ZSWIM5: variants seen among roughly 807,000 people sequenced by gnomAD.
ZSWIM5 encodes the protein zinc finger SWIM domain-containing protein 5.
Under a neutral mutation model 119.6 loss-of-function variants are expected in ZSWIM5, and 55 were observed. The ratio of observed to expected loss-of-function variants is 0.46; its 90% CI spans 0.37 to 0.58. The LOEUF (loss-of-function observed/expected upper bound fraction) is 0.58, where lower values mean the gene tolerates loss of function less well. ZSWIM5 is among the 20% of genes least tolerant of loss of function. The probability of loss-of-function intolerance (pLI) is 0.00; values close to 1 mark genes in which losing one functional copy is unlikely to be tolerated. For missense variants in ZSWIM5, 1,193 were observed against 1,512.8 expected (o/e 0.79, Z 3.51); for synonymous variants, 537 against 606.9 (o/e 0.88, Z 1.69).
At chr1:45,102,878 G>T (rs939856553) in intron 1 of ZSWIM5, among the ~76,000 whole-genome samples, 1 of 151,966 alleles carries the variant, frequency 6.6e-6, no homozygotes, top group Non-Finnish European at 1.5e-5. Context: ...TTTATTTGGT[G>T]GGGGTACAGG....
chr1:45,057,074 C>A lies in ZSWIM5; in HGVS notation c.1252+1535G>T, dbSNP rs1300122919. On this transcript the variant is annotated intron_variant, in intron 4 of 13. Transcript: ENST00000359600. The surrounding 1 kb of genome is among the most constrained non-coding windows in gnomAD (Gnocchi z 4.7). ...AGGGGAAGCATGAATGCACTGTGTT[C>A]TAGTGTCTAACCTAATAAGCCTTCT... Among the ~76,000 whole-genome samples, 1 of 152,170 alleles carries A rather than the reference C, an allele frequency of 6.6e-6. No individual in the cohort carries two copies. Among genetic ancestry groups the A allele is most frequent in the African/African-American group, 2.4e-5 (1 of 41,436 alleles).
At chr1:45,120,327 AAAC>A (rs912061811) in intron 1 of ZSWIM5, among the ~76,000 whole-genome samples, 135 of 152,288 alleles carry the variant, frequency 8.9e-4, no homozygotes, top group African/African-American at 3.1e-3. Context: ...CAGGGCGAAA[AAAC>A]AACAACAACA....
chr1:45,073,367 T>G (rs940657716), intron 2 of ZSWIM5, among the ~76,000 whole-genome samples: 3 of 148,592 alleles, frequency 2.0e-5, no homozygotes, highest in Non-Finnish European at 4.4e-5. Context: ...CAAGCGATTC[T>G]CCTGCCTCAG....
At chr1:45,172,959 T>C (rs1179888404) in intron 1 of ZSWIM5, among the ~76,000 whole-genome samples, 5 of 151,958 alleles carry the variant, frequency 3.3e-5, no homozygotes, top group African/African-American at 1.2e-4. Flanking sequence ...AGACCAGGAA[T>C]TCGAGACCAG....
chr1:45,055,765 T>A (rs796513446), intron 4 of ZSWIM5, among the ~76,000 whole-genome samples: 5 of 152,340 alleles, frequency 3.3e-5, no homozygotes, highest in African/African-American at 1.2e-4. Flanking sequence ...CAAAGGAGAC[T>A]GAGTGAAAGT....
intron 1 of ZSWIM5, among the ~76,000 whole-genome samples, chr1:45,173,858 T>C (rs867345351): frequency 2.6e-5 from 4 of 152,182 alleles, no homozygotes; most frequent in Middle Eastern, 3.2e-3. Flanking sequence ...TAAATTTATA[T>C]AACCAATAAA....
chr1:45,149,120 T>C (rs79938183), intron 1 of ZSWIM5, among the ~76,000 whole-genome samples: 3 of 151,860 alleles, frequency 2.0e-5, no homozygotes, highest in African/African-American at 7.3e-5. Context: ...TTTTTTTTTT[T>C]AATTAGCAGG....
At chr1:45,118,536 T>C (rs1645572275) in intron 1 of ZSWIM5, among the ~76,000 whole-genome samples, 1 of 151,330 alleles carries the variant, frequency 6.6e-6, no homozygotes, top group Non-Finnish European at 1.5e-5. Context: ...AGTCCAGGAG[T>C]TTGAGATCAG....
chr1:45,053,762 CAAAAAAAAAAA>C (rs10675427), intron 4 of ZSWIM5, among the ~76,000 whole-genome samples: 17 of 92,068 alleles, frequency 1.8e-4, no homozygotes, highest in Non-Finnish European at 4.0e-5. Flanking sequence ...GACTCTGTTT[CAAAAAAAAAAA>C]AAAAAAAAAA....
chr1:45,021,578 A>G (rs1409773629), intron 11 of ZSWIM5, among the ~76,000 whole-genome samples: 2 of 152,238 alleles, frequency 1.3e-5, no homozygotes, highest in South Asian at 2.1e-4. Context: ...CTTATAAAGG[A>G]CAAATACATT....
chr1:45,018,364 T>C lies in ZSWIM5; in HGVS notation c.*90A>G, dbSNP rs913749020. 6.6e-7 allele frequency: 1 copy of C among 1,515,518 alleles called. No homozygotes were observed. Among genetic ancestry groups the C allele is most frequent in the African/African-American group, 1.4e-5 (1 of 72,522 alleles). The allele number at this position is 1,515,518 out of a possible 1,614,324, so 93.9% of individuals were successfully genotyped here. Reference sequence around the variant, plus strand: ...CCTCATCCACAGGTGCTCAGAGTTCTCTCAGGGTGGACAAATGTTTCAGTG... The same window carrying C: ...CCTCATCCACAGGTGCTCAGAGTTCCCTCAGGGTGGACAAATGTTTCAGTG... On this transcript the variant is annotated 3_prime_UTR_variant, in exon 14 of 14. Transcript: ENST00000359600. The surrounding 1 kb of genome is among the most constrained non-coding windows in gnomAD (Gnocchi z 6.7).
intron 4 of ZSWIM5, among the ~76,000 whole-genome samples, chr1:45,055,699 T>C (rs1445478727): frequency 6.6e-6 from 1 of 152,094 alleles, no homozygotes; most frequent in Non-Finnish European, 1.5e-5. Context: ...AACAGGAAAG[T>C]GGATGCTGGG....
chr1:45,066,571 G>C (rs150952212), intron 2 of ZSWIM5, among the ~76,000 whole-genome samples: 1 of 152,114 alleles, frequency 6.6e-6, no homozygotes, highest in African/African-American at 2.4e-5. Context: ...GTCATAAATT[G>C]GTAATTAAAT....
intron 2 of ZSWIM5, among the ~76,000 whole-genome samples, chr1:45,075,755 T>C (rs1190473638): frequency 6.6e-6 from 1 of 152,168 alleles, no homozygotes; most frequent in Non-Finnish European, 1.5e-5. Context: ...TTTTGTTATT[T>C]GTTTTCTGGT....
rs1216180904 is a variant in ZSWIM5 at position 45,206,452 on chromosome 1, G to A, written c.-102C>T. ...CCCCGCGCAAGCGCCCAGCGGTGGC[G>A]CCGAGGGGGGCGGGGCGAGAGAACC... On this transcript the variant is annotated 5_prime_UTR_variant, in exon 1 of 14. Transcript: ENST00000359600. The A allele has an allele frequency of 3.3e-6, 4 of 1,219,004 alleles. No individual in the cohort carries two copies. The African/African-American group carries it at 4.7e-5, about 14-fold the overall frequency. 75.5% of individuals were successfully genotyped at this position (1,219,004 alleles called of 1,614,324 possible). A position where few individuals can be genotyped will look rare whatever the true frequency, so the allele number is the denominator to read the frequency against.
intron 1 of ZSWIM5, among the ~76,000 whole-genome samples, chr1:45,126,747 GA>G (rs147893050): frequency 0.075 from 11,015 of 147,184 alleles, 491 homozygotes; most frequent in Non-Finnish European, 0.11. Flanking sequence ...CCACAAAAAG[GA>G]AAAAAAAAAT....
At chr1:45,200,851 G>T (rs1311730174) in intron 1 of ZSWIM5, among the ~76,000 whole-genome samples, 1 of 152,152 alleles carries the variant, frequency 6.6e-6, no homozygotes, top group Non-Finnish European at 1.5e-5. Flanking sequence ...TATGCAACAA[G>T]AAACAAGTAT....
At chr1:45,115,443 T>A (rs903569726) in intron 1 of ZSWIM5, among the ~76,000 whole-genome samples, 1 of 144,416 alleles carries the variant, frequency 6.9e-6, no homozygotes, top group Non-Finnish European at 1.5e-5. Flanking sequence ...GCAGAGACGC[T>A]CCTCACCTTC....
At chr1:45,158,524 T>C (rs1363106572) in intron 1 of ZSWIM5, among the ~76,000 whole-genome samples, 2 of 152,218 alleles carry the variant, frequency 1.3e-5, no homozygotes, top group East Asian at 3.8e-4. Flanking sequence ...TAAAATCAAA[T>C]AGCCTTGAAT....
Sources: gnomAD v4.1 joint callset for allele counts (sites outside exome capture counted in the v4.1 genomes callset) on GRCh38, gnomAD v4.1.1 for gene constraint, Gnocchi (gnomAD v3.1) non-coding constraint, MANE v1.5 for transcripts, NCBI Gene and HGNC (gene_info 2026-07-23, HGNC 2026-07-21) for gene names.